The following GUCY2F variants were observed in gnomAD, a reference collection of about 807,000 sequenced individuals.
GUCY2F encodes the protein retinal guanylyl cyclase 2.
In GUCY2F, 61 loss-of-function variants were observed where a neutral mutation model predicts 73.1. That is an observed-to-expected ratio of 0.83 (90% CI 0.68 to 1.03). The LOEUF is 1.03. Among genes scored for constraint, GUCY2F ranks in the 50% least tolerant of loss-of-function variants. The pLI is 0.00. For missense variants in GUCY2F, 912 were observed against 854.3 expected (o/e 1.07, Z -0.84); for synonymous variants, 331 against 307.8 (o/e 1.08, Z -0.79).
Position 109,376,081 on chromosome X carries a change from A to G in GUCY2F, c.3237T>C (p.Asp1079=). Residue 1079 remains aspartate, a splice_region_variant and synonymous_variant, in exon 18 of 20, where the codon GAT becomes GAC. Transcript: ENST00000218006. The stretch of plus-strand genomic sequence containing the variant: ...AATTAAATGTGAACTCCACTTACCC[A>G]TCTTTGTCCACTGGTGGGGGCACAG... ...PLPVPPPVDK[D]GQVGHGLQPV... 1 of 1,192,388 alleles carries G rather than the reference A, an allele frequency of 8.4e-7. No homozygotes were observed. Among genetic ancestry groups the G allele is most frequent in the Non-Finnish European group, 1.1e-6 (1 of 877,838 alleles).
At position 109,453,603 on chromosome X, in the gene GUCY2F, A is replaced by C; in HGVS notation, c.1289T>G (p.Leu430Arg). The C allele has an allele frequency of 8.3e-7, 1 of 1,207,128 alleles. No individual in the cohort carries two copies. The highest frequency in any genetic ancestry group is 1.7e-5 in the African/African-American group (1 of 57,681). ...STYTVDMEME[L>R]LRFGGTPIHF... is the part of the protein sequence containing the mutation. ...AATAGGGGTCCCTCCGAAACGTAGC[A>C]GCTCCATTTCCATGTCCACAGTGTA... is the stretch of plus-strand genomic sequence containing the variant. Residue 430 changes from leucine to arginine, a missense_variant, in exon 4 of 20, where the codon CTG becomes CGG. Transcript: ENST00000218006.
intron 2 of GUCY2F, among the ~76,000 whole-genome samples, chrX:109,472,266 A>AG (rs887106970): frequency 7.8e-5 from 8 of 102,213 alleles, no homozygotes; most frequent in African/African-American, 3.3e-4. Context: ...CGAACAGATC[A>AG]GGAAAAAAAA....
At chrX:109,423,329 G>T (rs1326594197) in intron 8 of GUCY2F, among the ~76,000 whole-genome samples, 1 of 111,553 alleles carries the variant, frequency 9.0e-6, no homozygotes, top group Non-Finnish European at 1.9e-5. Flanking sequence ...TTTATATCAT[G>T]ATAGAAGTCT....
chrX:109,455,134 C>G (rs1475274283), intron 3 of GUCY2F, among the ~76,000 whole-genome samples: 1 of 111,034 alleles, frequency 9.0e-6, no homozygotes, highest in East Asian at 2.8e-4. Context: ...CAAACCGAAC[C>G]CAGACCAACA....
chrX:109,463,128 T>G (rs1272219101), intron 3 of GUCY2F, among the ~76,000 whole-genome samples: 1 of 111,796 alleles, frequency 8.9e-6, no homozygotes, highest in African/African-American at 3.3e-5. Flanking sequence ...TAAACCTAAA[T>G]TTCATTTGAA....
At chrX:109,416,933 C>CAAAAAAAA (rs367707786) in intron 8 of GUCY2F, among the ~76,000 whole-genome samples, 2 of 57,621 alleles carry the variant, frequency 3.5e-5, no homozygotes, top group African/African-American at 1.1e-4. Flanking sequence ...CAAAGAAATG[C>CAAAAAAAA]AAAAAAAAAA....
intron 10 of GUCY2F, among the ~76,000 whole-genome samples, chrX:109,400,552 CA>C (rs955148778): frequency 9.0e-6 from 1 of 111,636 alleles, no homozygotes; most frequent in African/African-American, 3.3e-5. Flanking sequence ...AGAAATCCAC[CA>C]TGGAAATTCT....
intron 19 of GUCY2F, among the ~76,000 whole-genome samples, chrX:109,375,270 G>A (rs927403802): frequency 9.0e-6 from 1 of 111,367 alleles, no homozygotes; most frequent in Non-Finnish European, 1.9e-5. Flanking sequence ...ATAAATATGT[G>A]GAGAGAATTC....
At chrX:109,398,873 T>C (rs934695412) in intron 10 of GUCY2F, among the ~76,000 whole-genome samples, 175 bp from the exon 11 acceptor site, 2 of 111,839 alleles carry the variant, frequency 1.8e-5, no homozygotes, top group Admixed American at 9.5e-5. Flanking sequence ...TAAGGAATTA[T>C]GAACAGAGAA....
rs1488148732 is a variant in GUCY2F at position 109,475,652 on chromosome X, A to G, written c.285T>C (p.Phe95=). 8.3e-7 allele frequency: 1 copy of G among 1,208,881 alleles called. No homozygotes were observed. The highest frequency in any genetic ancestry group is 1.1e-6 in the Non-Finnish European group (1 of 894,372). The change falls in exon 2 of 20, where the codon TTT becomes TTC. Residue 95 remains phenylalanine, a synonymous_variant. Transcript: ENST00000218006. The part of the protein sequence containing the change: ...RDPSFDLSYS[F]EYVILNEDCQ... ...AGTCTTCATTGAGAATCACGTATTC[A>G]AAAGAATAACTCAGGTCAAAAGATG...
chrX:109,376,380 G>A (rs781370476), intron 17 of GUCY2F, among the ~76,000 whole-genome samples: 20 of 112,044 alleles, frequency 1.8e-4, no homozygotes, highest in Middle Eastern at 4.6e-3. Context: ...TCATCATTGG[G>A]AATGTGTGGA....
chrX:109,435,565 G>A (rs745449830), intron 7 of GUCY2F, among the ~76,000 whole-genome samples: 78 of 110,141 alleles, frequency 7.1e-4, no homozygotes, highest in Admixed American at 1.3e-3. Context: ...CAATCATGCC[G>A]TCTGCAAACA....
intron 4 of GUCY2F, among the ~76,000 whole-genome samples, chrX:109,452,718 A>T: frequency 8.9e-6 from 1 of 111,985 alleles, no homozygotes; most frequent in East Asian, 2.8e-4. Context: ...AAAGCAAAGT[A>T]GAAATCAAAG....
rs749926660 is a variant in GUCY2F, at chrX:109,385,285, A to T, written c.2957-3T>A. 3 of 1,088,634 alleles carry T rather than the reference A, an allele frequency of 2.8e-6. No individual in the cohort carries two copies. The highest frequency in any genetic ancestry group is 3.8e-6 in the Non-Finnish European group (3 of 787,160). 89.7% of individuals were successfully genotyped at this position (1,088,634 alleles called of 1,213,427 possible). On this transcript the variant is annotated splice_polypyrimidine_tract_variant and splice_region_variant and intron_variant, in intron 15 of 19. Coordinates refer to ENST00000218006, the MANE Select transcript of GUCY2F (RefSeq NM_001522.3). ...CACCACTCCAGCAACAACCGGCCCT[A>T]TAGAGTATCAGGGGGTTGGAATTAC...
chrX:109,429,042 T>C (rs191118268), intron 8 of GUCY2F, among the ~76,000 whole-genome samples: 1 of 112,315 alleles, frequency 8.9e-6, no homozygotes, highest in East Asian at 2.8e-4. Flanking sequence ...ATTTTAGTTC[T>C]GACCTTGATC....
intron 14 of GUCY2F, among the ~76,000 whole-genome samples, chrX:109,391,154 C>A (rs28663110): frequency 0.1 from 11,542 of 111,282 alleles, 1,400 homozygotes; most frequent in African/African-American, 0.34. Flanking sequence ...TGAGATTTTT[C>A]GTCATTTTTG....
chrX:109,389,164 A>G (rs1486117547), intron 14 of GUCY2F, among the ~76,000 whole-genome samples: 1 of 111,794 alleles, frequency 8.9e-6, no homozygotes, highest in African/African-American at 3.3e-5. Context: ...TTGCAGGCCT[A>G]TTGGGTATGA....
intron 8 of GUCY2F, among the ~76,000 whole-genome samples, chrX:109,411,151 G>A (rs1931098750): frequency 9.3e-6 from 1 of 107,863 alleles, no homozygotes; most frequent in Non-Finnish European, 1.9e-5. Context: ...GGAATTCAGG[G>A]ATGAGGTAAT....
chrX:109,438,373 C>T (rs748486966), intron 7 of GUCY2F, among the ~76,000 whole-genome samples: 14 of 112,487 alleles, frequency 1.2e-4, no homozygotes, highest in African/African-American at 4.2e-4. Context: ...CCCTTGTGGC[C>T]TAATTACCTC....
Sources: gnomAD v4.1 joint callset for allele counts (sites outside exome capture counted in the v4.1 genomes callset) on GRCh38, gnomAD v4.1.1 for gene constraint, MANE v1.5 for transcripts, NCBI Gene and HGNC (gene_info 2026-07-23, HGNC 2026-07-21) for gene names.